The following GLIS3 variants were observed in gnomAD, a reference collection of about 807,000 sequenced individuals.
GLIS3 encodes the protein GLIS family zinc finger 3, also known as zinc finger protein GLIS3.
Under a neutral mutation model 78.6 loss-of-function variants are expected in GLIS3, and 53 were observed. The observed-to-expected ratio is 0.67, with a 90% confidence interval of 0.54 to 0.85. The LOEUF is 0.85. Ranked by LOEUF, GLIS3 falls within the 40% of genes least tolerant of loss-of-function variation. The pLI is 0.00. For synonymous variants in GLIS3, 684 were observed against 509.9 expected (o/e 1.34, Z -4.60); for missense variants, 1,703 against 1,231.1 (o/e 1.38, Z -5.74).
In GLIS3 at chr9:4,338,353, A is replaced by G. The variant is rs547517659; in HGVS notation, n.264+8728T>C. On this transcript the variant is annotated intron_variant and non_coding_transcript_variant, in intron 2 of 4. Transcript: ENST00000471664. ...TATATAGAGAGATAGATGGATTTCT[A>G]TTATATATGTGTGTACACACACACA... Among the ~76,000 whole-genome samples, 10 of 147,776 alleles carry G rather than the reference A, an allele frequency of 6.8e-5. No homozygotes were observed. The East Asian group carries it at 2.0e-3, about 30-fold the overall frequency.
chr9:4,477,898 A>C, the GLIS3 span, among the ~76,000 whole-genome samples: 1 of 152,232 alleles, frequency 6.6e-6, no homozygotes, highest in Non-Finnish European at 1.5e-5. Context: ...ATAAAAAATG[A>C]AATTGGAAAC....
At chr9:4,150,362 A>T (rs932140255) in intron 2 of GLIS3, among the ~76,000 whole-genome samples, 2 of 152,166 alleles carry the variant, frequency 1.3e-5, no homozygotes, top group Non-Finnish European at 2.9e-5. Context: ...GAGGAGGAAA[A>T]CGTAAATTTG....
intron 4 of GLIS3, among the ~76,000 whole-genome samples, chr9:3,984,400 A>G (rs1271705884): frequency 6.6e-6 from 1 of 152,218 alleles, no homozygotes; most frequent in East Asian, 1.9e-4. Context: ...AAAGGGGATC[A>G]TTTTGGAGCT....
At chr9:3,933,379 A>C (rs1825730374) in intron 5 of GLIS3, among the ~76,000 whole-genome samples, 1 of 152,194 alleles carries the variant, frequency 6.6e-6, no homozygotes, top group Admixed American at 6.5e-5. Context: ...AGTACATAAT[A>C]GAAATGAATG....
At chr9:4,144,546 C>G (rs1451150408) in intron 2 of GLIS3, among the ~76,000 whole-genome samples, 1 of 151,890 alleles carries the variant, frequency 6.6e-6, no homozygotes, top group African/African-American at 2.4e-5. Flanking sequence ...ACTCTACATG[C>G]CAAAAAGTCA....
At chr9:4,072,687 G>C (rs1389169535) in intron 4 of GLIS3, among the ~76,000 whole-genome samples, 1 of 151,296 alleles carries the variant, frequency 6.6e-6, no homozygotes, top group Non-Finnish European at 1.5e-5. Context: ...ATGACATCCT[G>C]CTTATTACCG....
intron 4 of GLIS3, among the ~76,000 whole-genome samples, chr9:4,058,042 C>A (rs1826292438): frequency 6.6e-6 from 1 of 152,160 alleles, no homozygotes; most frequent in South Asian, 2.1e-4. Context: ...AGTGACCTCT[C>A]CAAACAAAGC....
At chr9:3,871,594 C>T (rs1445418535) in intron 8 of GLIS3, among the ~76,000 whole-genome samples, 1 of 152,212 alleles carries the variant, frequency 6.6e-6, no homozygotes, top group Non-Finnish European at 1.5e-5. Flanking sequence ...AGGCTTAGGG[C>T]TTGCACCATC....
chr9:4,179,310 A>G (rs1817085506), intron 2 of GLIS3, among the ~76,000 whole-genome samples: 1 of 152,288 alleles, frequency 6.6e-6, no homozygotes, highest in African/African-American at 2.4e-5. Context: ...GGAGACATGC[A>G]TGCATTTTCT....
At chr9:4,086,248 C>T (rs1235007793) in intron 4 of GLIS3, among the ~76,000 whole-genome samples, 2 of 152,212 alleles carry the variant, frequency 1.3e-5, no homozygotes, top group Non-Finnish European at 2.9e-5. Flanking sequence ...GTGAAATCCT[C>T]ATCCCCCAAG....
intron 4 of GLIS3, among the ~76,000 whole-genome samples, chr9:4,029,700 T>C (rs1385847052): frequency 6.6e-6 from 1 of 151,496 alleles, no homozygotes; most frequent in African/African-American, 2.4e-5. Context: ...AGTCAGAACA[T>C]GTGGCATTTG....
intron 4 of GLIS3, among the ~76,000 whole-genome samples, chr9:4,100,671 C>T (rs948149242): frequency 2.0e-5 from 3 of 151,968 alleles, no homozygotes; most frequent in Non-Finnish European, 4.4e-5. Flanking sequence ...ACTCAGTTGA[C>T]TGTTTCTACA....
chr9:4,226,877 T>G (rs1167710092), intron 2 of GLIS3, among the ~76,000 whole-genome samples: 2 of 152,184 alleles, frequency 1.3e-5, no homozygotes, highest in Non-Finnish European at 2.9e-5. Context: ...ATTAATTAGT[T>G]TGGAGTAAAT....
At chr9:4,216,465 G>C (rs371911843) in intron 2 of GLIS3, among the ~76,000 whole-genome samples, 29 of 141,344 alleles carry the variant, frequency 2.1e-4, no homozygotes, top group African/African-American at 7.5e-4. Context: ...GGGTGACAGA[G>C]CGAGACTCTG....
chr9:4,326,537 G>T (rs1817603256), intron 2 of GLIS3, among the ~76,000 whole-genome samples: 1 of 148,606 alleles, frequency 6.7e-6, no homozygotes, highest in Admixed American at 6.8e-5. Flanking sequence ...GTTTACCAGG[G>T]GGAGGGAGGA....
chr9:4,053,141 A>T (rs1262467928), intron 4 of GLIS3, among the ~76,000 whole-genome samples: 1 of 151,906 alleles, frequency 6.6e-6, no homozygotes, highest in Non-Finnish European at 1.5e-5. Context: ...TAGAGACAAG[A>T]TTTTGCCATG....
At chr9:4,243,735 C>G (rs1430530010) in intron 2 of GLIS3, among the ~76,000 whole-genome samples, 3 of 152,160 alleles carry the variant, frequency 2.0e-5, no homozygotes, top group Non-Finnish European at 2.9e-5. Context: ...AGTGTAGCCT[C>G]TCATCTGCCT....
chr9:4,358,677 G>C, the GLIS3 span, among the ~76,000 whole-genome samples: 1 of 152,080 alleles, frequency 6.6e-6, no homozygotes, highest in South Asian at 2.1e-4. Flanking sequence ...TTGTACAGTA[G>C]TCTTTCTACA....
At chr9:4,345,790 T>C (rs1030720137) in intron 2 of GLIS3, among the ~76,000 whole-genome samples, 1 of 152,174 alleles carries the variant, frequency 6.6e-6, no homozygotes, top group African/African-American at 2.4e-5. Flanking sequence ...CAAAAAGAGC[T>C]GAAAGTGATT....
Sources: allele counts gnomAD v4.1 joint callset (sites outside exome capture counted in the v4.1 genomes callset), GRCh38; gene constraint gnomAD v4.1.1; transcripts MANE v1.5; gene names NCBI Gene and HGNC (gene_info 2026-07-23, HGNC 2026-07-21).